The following MED13L variants were observed in gnomAD, a reference collection of about 807,000 sequenced individuals.
The protein encoded by MED13L is mediator of RNA polymerase II transcription subunit 13-like.
Under a neutral mutation model 220.9 loss-of-function variants are expected in MED13L, and 7 were observed. That is an observed-to-expected ratio of 0.03 (90% CI 0.02 to 0.06). MED13L has a LOEUF of 0.06. MED13L is among the 10% of genes least tolerant of loss of function. The probability of loss-of-function intolerance (pLI) is 1.00; values close to 1 mark genes in which losing one functional copy is unlikely to be tolerated. For missense variants in MED13L, 1,965 were observed against 2,760.5 expected (o/e 0.71, Z 6.46); for synonymous variants, 1,011 against 1,015.2 (o/e 1.00, Z 0.08).
At chr12:115,988,846 T>C (rs1877874213) in intron 17 of MED13L, among the ~76,000 whole-genome samples, 1 of 152,202 alleles carries the variant, frequency 6.6e-6, no homozygotes, top group Admixed American at 6.5e-5. Context: ...CGAAGGCCTA[T>C]CTAGTAAAAG....
At chr12:116,095,744 C>G (rs1292164984) in intron 4 of MED13L, among the ~76,000 whole-genome samples, 1 of 152,098 alleles carries the variant, frequency 6.6e-6, no homozygotes, top group Non-Finnish European at 1.5e-5. Context: ...GAATATTCAC[C>G]ATCAACTTAT....
At chr12:116,203,617 C>T (rs957457985) in intron 2 of MED13L, among the ~76,000 whole-genome samples, 1 of 151,868 alleles carries the variant, frequency 6.6e-6, no homozygotes, top group Non-Finnish European at 1.5e-5. Context: ...GTCAGGAGTT[C>T]GAGACCAGCC....
At chr12:116,115,015 C>A (rs898989185) in intron 2 of MED13L, among the ~76,000 whole-genome samples, 7 of 152,080 alleles carry the variant, frequency 4.6e-5, no homozygotes, top group Non-Finnish European at 1.0e-4. Context: ...CAACTCAATT[C>A]TAATAAAAAT....
chr12:116,247,959 T>C (rs1014774482), intron 1 of MED13L, among the ~76,000 whole-genome samples: 2 of 152,196 alleles, frequency 1.3e-5, no homozygotes, highest in African/African-American at 2.4e-5. Context: ...ATTCAACAGA[T>C]CTAAATTATC....
intron 4 of MED13L, among the ~76,000 whole-genome samples, chr12:116,060,689 G>C (rs1475280001): frequency 6.6e-6 from 1 of 151,732 alleles, no homozygotes; most frequent in Non-Finnish European, 1.5e-5. Flanking sequence ...GTTAAAAACA[G>C]TATTAAAAAT....
chr12:116,117,309 C>T (rs944181208), intron 2 of MED13L, among the ~76,000 whole-genome samples: 1 of 152,084 alleles, frequency 6.6e-6, no homozygotes, highest in African/African-American at 2.4e-5. Context: ...ACCAAAGGGA[C>T]ACCGGAAATT....
rs117159158 is a variant in MED13L, at chr12:116,239,858, T to C, written c.73-2153A>G. On this transcript the variant is annotated intron_variant, in intron 1 of 30. Transcript: ENST00000281928. ...TACTTGTATTAATACATAGTCCTTG[T>C]TCTGCTAGGAGGAAATCAGTATGCG... Among the ~76,000 whole-genome samples, 12 of 152,326 alleles carry C rather than the reference T, an allele frequency of 7.9e-5. No individual in the cohort carries two copies. In the East Asian group the frequency reaches 2.3e-3, roughly 29 times the overall value.
chr12:116,262,716 T>G (rs1311719913), intron 1 of MED13L, among the ~76,000 whole-genome samples: 1 of 152,204 alleles, frequency 6.6e-6, no homozygotes, highest in African/African-American at 2.4e-5. Flanking sequence ...AGTCAGCTTA[T>G]TAGCTTATAT....
chr12:116,232,304 T>G (rs1006560076), intron 2 of MED13L: 6 of 174,794 alleles, frequency 3.4e-5, no homozygotes, highest in African/African-American at 1.4e-4. Flanking sequence ...TGTACAGATG[T>G]ATCCTTAATT....
intron 1 of MED13L, among the ~76,000 whole-genome samples, chr12:116,246,236 G>A (rs537667220): frequency 6.7e-6 from 1 of 148,704 alleles, no homozygotes; most frequent in South Asian, 2.1e-4. Flanking sequence ...CCTTTCTCAG[G>A]AAGCTACTGG....
At chr12:116,167,581 CA>C (rs886426950) in intron 2 of MED13L, among the ~76,000 whole-genome samples, 8 of 150,674 alleles carry the variant, frequency 5.3e-5, no homozygotes, top group South Asian at 2.1e-4. Flanking sequence ...TTTGAGGTGT[CA>C]AAAAAAAATC....
intron 2 of MED13L, among the ~76,000 whole-genome samples, chr12:116,215,644 A>C (rs2138370102): frequency 6.6e-6 from 1 of 152,082 alleles, no homozygotes; most frequent in East Asian, 1.9e-4. Flanking sequence ...GATAAAATGA[A>C]GCCAAGCCCC....
intron 1 of MED13L, chr12:116,276,470 A>C: frequency 7.8e-7 from 1 of 1,288,910 alleles, no homozygotes; most frequent in South Asian, 1.2e-5. Flanking sequence ...GCTCTCCAGC[A>C]TAGTAAGCCC....
At chr12:116,121,935 G>A (rs1202919745) in intron 2 of MED13L, among the ~76,000 whole-genome samples, 1 of 152,060 alleles carries the variant, frequency 6.6e-6, no homozygotes, top group Non-Finnish European at 1.5e-5. Flanking sequence ...CGAAACTCCA[G>A]AAACACAAGT....
At chr12:115,968,685 T>A (rs929002823) in intron 28 of MED13L, among the ~76,000 whole-genome samples, 2 of 152,164 alleles carry the variant, frequency 1.3e-5, no homozygotes, top group Non-Finnish European at 2.9e-5. Context: ...AACAATGCAT[T>A]AAAAACCCTT....
chr12:115,987,355 C>A, intron 17 of MED13L, 67 bp from the exon 18 acceptor site: 1 of 1,418,002 alleles, frequency 7.1e-7, no homozygotes, highest in Admixed American at 1.9e-5. Context: ...CTCACCATCA[C>A]CTCGAGCCTC....
In MED13L at chr12:115,997,196, T is replaced by C. The variant is rs772409015; in HGVS notation, c.2604A>G (p.Pro868=). ...VADLQRMFPT[P]PSLEQHPAFS... is the part of the protein sequence containing the mutation. ...ATGCAGGATGCTGTTCCAAAGATGG[T>C]GGAGTGGGAAACATCCTTTGCAAGT... is the stretch of plus-strand genomic sequence containing the variant. Residue 868 remains proline, a synonymous_variant, in exon 15 of 31, where the codon CCA becomes CCG. Coordinates refer to ENST00000281928, the MANE Select transcript of MED13L (RefSeq NM_015335.5). 75 of 1,613,922 alleles carry C rather than the reference T, an allele frequency of 4.6e-5. 1 individual carries two copies. In the South Asian group the frequency reaches 7.4e-4, roughly 16 times the overall value.
chr12:116,019,166 T>G (rs1424510529), intron 7 of MED13L, 58 bp downstream of exon 7: 6 of 1,531,496 alleles, frequency 3.9e-6, no homozygotes, highest in Non-Finnish European at 4.5e-6. Flanking sequence ...CCATGGCAGG[T>G]AGACTATACA....
At chr12:116,244,935 G>A (rs557338142) in intron 1 of MED13L, among the ~76,000 whole-genome samples, 91 of 152,294 alleles carry the variant, frequency 6.0e-4, no homozygotes, top group African/African-American at 2.1e-3. Flanking sequence ...CTGGGCAACA[G>A]AGTGAGACCC....
Sources: allele counts gnomAD v4.1 joint callset (sites outside exome capture counted in the v4.1 genomes callset), GRCh38; gene constraint gnomAD v4.1.1; transcripts MANE v1.5; gene names NCBI Gene and HGNC (gene_info 2026-07-23, HGNC 2026-07-21).